Variants in RUFY2 observed in about 807,000 individuals in gnomAD.
RUFY2 encodes RUN and FYVE domain-containing protein 2.
RUFY2 carries 49 observed loss-of-function variants against 94.4 expected under a neutral mutation model. The observed-to-expected ratio is 0.52, with a 90% confidence interval of 0.41 to 0.66. The LOEUF is 0.66. Ranked by LOEUF, RUFY2 falls within the 30% of genes least tolerant of loss-of-function variation. RUFY2 has a pLI of 0.00. For synonymous variants in RUFY2, 255 were observed against 235.7 expected, an observed-to-expected ratio of 1.08 and a Z score of -0.75; for missense variants, 541 against 692.8, an observed-to-expected ratio of 0.78 and a Z score of 2.46.
At chr10:68,379,231 T>A in intron 12 of RUFY2, 193 bp downstream of exon 12, 1 of 453,496 alleles carries the variant, frequency 2.2e-6, no homozygotes. Flanking sequence ...CAACTTCAAA[T>A]GAATCAGCGT....
chr10:68,387,094 C>T (rs2049558981), intron 7 of RUFY2, among the ~76,000 whole-genome samples: 1 of 152,174 alleles, frequency 6.6e-6, no homozygotes, highest in Admixed American at 6.5e-5. Flanking sequence ...CAGTGGCTCA[C>T]ACCTGTAATC....
At chr10:68,361,298 T>C (rs2047451890) in intron 15 of RUFY2, among the ~76,000 whole-genome samples, 1 of 152,128 alleles carries the variant, frequency 6.6e-6, no homozygotes, top group African/African-American at 2.4e-5. Context: ...AAAAAAAGTA[T>C]TAGTTGGGGA....
chr10:68,341,824 G>C, downstream of RUFY2: 1 of 1,610,440 alleles, frequency 6.2e-7, no homozygotes, highest in Non-Finnish European at 8.5e-7. Flanking sequence ...TGGAGGATAT[G>C]GTACTCCTGA....
In RUFY2 at chr10:68,386,118, T is replaced by G; in HGVS notation, c.661A>C (p.Ser221Arg). 1 of 1,610,862 alleles carries G rather than the reference T, an allele frequency of 6.2e-7. No individual in the cohort carries two copies. Among genetic ancestry groups the G allele is most frequent in the Non-Finnish European group, 8.5e-7 (1 of 1,178,874 alleles). ...ELNRQLNSTV[S>R]SLHSRVDSLE... The stretch of plus-strand genomic sequence containing the variant: ...GAATCAACTCTTGAATGGAGGCTGC[T>G]GACTGTGCTGCTGAAATTAAGAAAC... Residue 221 changes from serine to arginine, a missense_variant, in exon 8 of 18, where the codon AGC becomes CGC. By Grantham distance (110) the Ser-to-Arg change is moderately radical. Coordinates refer to ENST00000602465, the MANE Select transcript of RUFY2 (RefSeq NM_001330103.2).
intron 11 of RUFY2, 69 bp from the exon 12 acceptor site, chr10:68,379,590 CGT>C (rs2048894010): frequency 9.8e-7 from 1 of 1,017,106 alleles, no homozygotes; most frequent in African/African-American, 1.6e-5. Context: ...TGTGTGTGTG[CGT>C]GTTTTTAATA....
rs146687296 is a variant in RUFY2 at position 68,362,222 on chromosome 10, G to A, written c.1550+1368C>T. ...TGCGTCTGTGGTCCCAGCTACTCCG[G>A]AGGCTTGAGGTGAGAGAATAGCGTG... On this transcript the variant is annotated intron_variant, in intron 15 of 17. Coordinates refer to ENST00000602465, the MANE Select transcript of RUFY2 (RefSeq NM_001330103.2). Among the ~76,000 whole-genome samples, 1,020 of 152,214 alleles carry A rather than the reference G, an allele frequency of 6.7e-3. 10 individuals carry two copies. The highest frequency in any genetic ancestry group is 0.023 in the African/African-American group (945 of 41,534).
intron 13 of RUFY2, among the ~76,000 whole-genome samples, chr10:68,364,555 T>G (rs1013899122): frequency 6.6e-6 from 1 of 152,142 alleles, no homozygotes; most frequent in Non-Finnish European, 1.5e-5. Context: ...AATTGCTAAA[T>G]CAGTTTAACT....
intron 16 of RUFY2, among the ~76,000 whole-genome samples, chr10:68,353,972 C>T (rs1190353395): frequency 6.6e-6 from 1 of 151,936 alleles, no homozygotes; most frequent in African/African-American, 2.4e-5. Flanking sequence ...ACTGCTGAAT[C>T]AAGAGCAAAT....
At chr10:68,352,876 T>A (rs1284172157) in intron 16 of RUFY2, among the ~76,000 whole-genome samples, 1 of 149,254 alleles carries the variant, frequency 6.7e-6, no homozygotes, top group Admixed American at 6.7e-5. Context: ...GTCAAGATCG[T>A]GCCACTACAC....
chr10:68,406,270 C>T (rs1309164521), intron 1 of RUFY2, among the ~76,000 whole-genome samples: 1 of 152,018 alleles, frequency 6.6e-6, no homozygotes, highest in Admixed American at 6.6e-5. Context: ...CCTAAGCAAC[C>T]TAAAATGCAA....
At chr10:68,376,451 T>TAC (rs2048658747) in intron 13 of RUFY2, among the ~76,000 whole-genome samples, 2 of 16,074 alleles carry the variant, frequency 1.2e-4, no homozygotes, top group Non-Finnish European at 3.0e-4. Context: ...TGTATATATA[T>TAC]ATATATATAT....
intron 16 of RUFY2, 110 bp from the exon 17 acceptor site, chr10:68,346,194 AAT>A (rs1424470774): frequency 3.8e-6 from 3 of 788,988 alleles, no homozygotes; most frequent in Admixed American, 5.7e-5. Context: ...AAGAATGGAA[AAT>A]AAGTTATTTT....
At position 68,343,990 on chromosome 10, in the gene RUFY2, T is replaced by C. The variant is rs979663716; in HGVS notation, c.*1778A>G. 22 of 152,252 alleles carry C rather than the reference T, an allele frequency of 1.4e-4. 2 individuals are homozygous for C. Among genetic ancestry groups the C allele is most frequent in the Admixed American group, 1.2e-3 (18 of 15,286 alleles). 9.4% of individuals were successfully genotyped at this position (152,252 alleles called of 1,614,324 possible). A position where few individuals can be genotyped will look rare whatever the true frequency, so the allele number is the denominator to read the frequency against. ...CTAAGCACAGTAATAAAAAAGCATA[T>C]TTGAAAATTTCATTTTTTGTTTATT... On this transcript the variant is annotated 3_prime_UTR_variant, in exon 18 of 18. Coordinates refer to ENST00000602465, the MANE Select transcript of RUFY2 (RefSeq NM_001330103.2).
chr10:68,404,239 C>T (rs996139922), intron 2 of RUFY2, among the ~76,000 whole-genome samples: 2 of 152,130 alleles, frequency 1.3e-5, no homozygotes, highest in African/African-American at 2.4e-5. Context: ...TCTACAATAA[C>T]TCCATCCAGA....
At position 68,343,835 on chromosome 10, in the gene RUFY2, CAA is replaced by C; in HGVS notation, c.*1931_*1932del. 1.1e-5 allele frequency: 1 copy of C among 90,676 alleles called. No individual in the cohort carries two copies. Among genetic ancestry groups the C allele is most frequent in the Non-Finnish European group, 2.2e-5 (1 of 44,456 alleles). The allele number at this position is 90,676 out of a possible 1,614,324, so 5.6% of individuals were successfully genotyped here. On this transcript the variant is annotated 3_prime_UTR_variant, in exon 18 of 18. Transcript: ENST00000602465. Reference sequence around the variant, plus strand: ...AAAAAAAAAAAAAAAAAAAAAAAAGCAAGTCAGTCAGTGTTGATACATGAGTT... The same window carrying C: ...AAAAAAAAAAAAAAAAAAAAAAAAGCGTCAGTCAGTGTTGATACATGAGTT...
intron 2 of RUFY2, among the ~76,000 whole-genome samples, chr10:68,402,767 A>G (rs1334059827): frequency 6.6e-6 from 1 of 150,812 alleles, no homozygotes; most frequent in African/African-American, 2.4e-5. Context: ...CCATATACAT[A>G]CCATAAAATA....
intron 16 of RUFY2, among the ~76,000 whole-genome samples, chr10:68,349,276 G>A (rs1057185684): frequency 6.6e-6 from 1 of 152,144 alleles, no homozygotes; most frequent in Non-Finnish European, 1.5e-5. Context: ...ACCACTTTGG[G>A]AGACTGAGAC....
At chr10:68,369,483 TCAAAAAAAAAAAA>T (rs773364100) in intron 13 of RUFY2, among the ~76,000 whole-genome samples, 5,582 of 26,228 alleles carry the variant, frequency 0.21, 155 homozygotes, top group Middle Eastern at 0.33. Flanking sequence ...AGACCTTGTC[TCAAAAAAAAAAAA>T]CAAAAAAAAA....
rs540767856 is a variant in RUFY2, at chr10:68,406,743, G to A, written c.4+443C>T. Reference sequence around the variant, plus strand: ...CCTGGGGGCCCCCCAGGACCATCGCGGCGGGCTCACCCAGGCTCCTGCGCG... The same window carrying A: ...CCTGGGGGCCCCCCAGGACCATCGCAGCGGGCTCACCCAGGCTCCTGCGCG... On this transcript the variant is annotated intron_variant, in intron 1 of 17. Coordinates refer to ENST00000602465, the MANE Select transcript of RUFY2 (RefSeq NM_001330103.2). 3.4e-5 allele frequency: 54 copies of A among 1,604,232 alleles called. No homozygotes were observed. The South Asian group carries it at 5.8e-4, about 17-fold the overall frequency.
Sources: gnomAD v4.1 joint callset for allele counts (sites outside exome capture counted in the v4.1 genomes callset) on GRCh38, gnomAD v4.1.1 for gene constraint, MANE v1.5 for transcripts, NCBI Gene and HGNC (gene_info 2026-07-23, HGNC 2026-07-21) for gene names.